SEZ6L: variants seen among roughly 807,000 people sequenced by gnomAD.
SEZ6L encodes the protein seizure 6-like protein.
In SEZ6L, 37 loss-of-function variants were observed where a neutral mutation model predicts 106.2. The observed-to-expected ratio is 0.35, with a 90% CI of 0.27 to 0.46. SEZ6L has a LOEUF of 0.46. Among genes scored for constraint, SEZ6L ranks in the 20% least tolerant of loss-of-function variants. SEZ6L has a pLI of 1.00. For synonymous variants in SEZ6L, 541 were observed against 570.4 expected, an observed-to-expected ratio of 0.95 and a Z score of 0.73; for missense variants, 1,172 against 1,332.8, an observed-to-expected ratio of 0.88 and a Z score of 1.88.
intron 10 of SEZ6L, among the ~76,000 whole-genome samples, chr22:26,346,026 T>G (rs1044833013): frequency 2.3e-5 from 2 of 87,490 alleles, no homozygotes; most frequent in African/African-American, 4.8e-5. Flanking sequence ...GTTCAAATTG[T>G]TTTTTTTTTC....
intron 11 of SEZ6L, among the ~76,000 whole-genome samples, chr22:26,348,691 A>G (rs866305504): frequency 1.8e-4 from 16 of 87,120 alleles, no homozygotes; most frequent in South Asian, 1.1e-3. Flanking sequence ...AGAAAGAAAG[A>G]AAGAAAGAAA....
chr22:26,190,678 G>A (rs1194805333), intron 1 of SEZ6L, among the ~76,000 whole-genome samples: 1 of 152,204 alleles, frequency 6.6e-6, no homozygotes, highest in Non-Finnish European at 1.5e-5. Context: ...GTAGGACCCT[G>A]ATTGGCCAGC....
At chr22:26,187,672 A>G (rs1939873432) in intron 1 of SEZ6L, among the ~76,000 whole-genome samples, 2 of 152,198 alleles carry the variant, frequency 1.3e-5, no homozygotes, top group Non-Finnish European at 2.9e-5. Flanking sequence ...GGAAAAGAAT[A>G]TAAATTTGGG....
At chr22:26,249,827 G>A (rs1207407) in intron 1 of SEZ6L, among the ~76,000 whole-genome samples, 26,590 of 151,930 alleles carry the variant, frequency 0.18, 3,076 homozygotes, top group Non-Finnish European at 0.26. Flanking sequence ...ATGCATCCTC[G>A]CCAGCATGTT....
chr22:26,267,160 G>A (rs1166294577), intron 1 of SEZ6L, among the ~76,000 whole-genome samples: 1 of 152,162 alleles, frequency 6.6e-6, no homozygotes, highest in African/African-American at 2.4e-5. Flanking sequence ...ATATGAGGTG[G>A]TGCTCTCATA....
chr22:26,174,318 A>C (rs756718021), intron 1 of SEZ6L, among the ~76,000 whole-genome samples: 1 of 152,180 alleles, frequency 6.6e-6, no homozygotes, highest in Non-Finnish European at 1.5e-5. Flanking sequence ...AAAATCCTGA[A>C]GGCTTCACTC....
At chr22:26,266,794 G>A (rs949117716) in intron 1 of SEZ6L, among the ~76,000 whole-genome samples, 1 of 151,824 alleles carries the variant, frequency 6.6e-6, no homozygotes, top group Non-Finnish European at 1.5e-5. Flanking sequence ...TACCTATAAA[G>A]TGGCAAGCAG....
intron 9 of SEZ6L, among the ~76,000 whole-genome samples, chr22:26,336,799 T>C (rs188435681): frequency 6.6e-6 from 1 of 152,228 alleles, no homozygotes; most frequent in Admixed American, 6.5e-5. Flanking sequence ...CCCACCTAGT[T>C]AGGAAAAATA....
chr22:26,226,949 CTTG>C (rs1002368219), intron 1 of SEZ6L, among the ~76,000 whole-genome samples: 3 of 152,184 alleles, frequency 2.0e-5, no homozygotes, highest in African/African-American at 7.2e-5. Context: ...AGCTGGGGTC[CTTG>C]TTGTCACTGT....
At position 26,380,346 on chromosome 22, in the gene SEZ6L, G is replaced by A. The variant is rs142360994; in HGVS notation, c.*51G>A. 2.0e-6 allele frequency: 3 copies of A among 1,497,566 alleles called. No individual in the cohort carries two copies. Among genetic ancestry groups the A allele is most frequent in the Admixed American group, 1.7e-5 (1 of 59,794 alleles). 92.8% of individuals were successfully genotyped at this position (1,497,566 alleles called of 1,614,324 possible). A position where few individuals can be genotyped will look rare whatever the true frequency, so the allele number is the denominator to read the frequency against. On this transcript the variant is annotated 3_prime_UTR_variant, in exon 17 of 17. Transcript: ENST00000248933. The stretch of plus-strand genomic sequence containing the variant: ...TTGTGAACTCAACCACAATCTCCTC[G>A]AGACATTCATCCAGAGACCATGTGG...
chr22:26,245,588 C>T (rs942567893), intron 1 of SEZ6L, among the ~76,000 whole-genome samples: 7 of 152,170 alleles, frequency 4.6e-5, no homozygotes, highest in African/African-American at 1.7e-4. Context: ...TGCCAAGCTT[C>T]GTACACAATG....
chr22:26,178,580 A>G (rs1227974000), intron 1 of SEZ6L, among the ~76,000 whole-genome samples: 4 of 152,202 alleles, frequency 2.6e-5, no homozygotes, highest in Non-Finnish European at 5.9e-5. Context: ...GGAGCTCAGG[A>G]CAAGTCTTAG....
chr22:26,339,775 T>A (rs1318946595), intron 9 of SEZ6L, among the ~76,000 whole-genome samples: 1 of 152,224 alleles, frequency 6.6e-6, no homozygotes, highest in Non-Finnish European at 1.5e-5. Flanking sequence ...GAATGAAAGA[T>A]GCAGGTCATA....
chr22:26,236,450 A>G (rs1333335961), intron 1 of SEZ6L, among the ~76,000 whole-genome samples: 1 of 152,068 alleles, frequency 6.6e-6, no homozygotes, highest in Non-Finnish European at 1.5e-5. Context: ...TTATTTATGC[A>G]TTTGGTCGAT....
At chr22:26,241,481 C>G (rs554012195) in intron 1 of SEZ6L, 3 of 152,178 alleles carry the variant, frequency 2.0e-5, no homozygotes, top group African/African-American at 7.2e-5. Flanking sequence ...TCTTGGAAAG[C>G]GAGTCTCAGA....
Position 26,188,455 on chromosome 22 carries a change from C to T in SEZ6L, c.94+18692C>T, listed in dbSNP as rs1939950155. On this transcript the variant is annotated intron_variant, in intron 1 of 16. Coordinates refer to ENST00000248933, the MANE Select transcript of SEZ6L (RefSeq NM_021115.5). Reference sequence around the variant, plus strand: ...TCACCCGAGCATGTAAGTTTTCCCTCATGTGACTTGGCCTTCTCCCACCAT... The same window carrying T: ...TCACCCGAGCATGTAAGTTTTCCCTTATGTGACTTGGCCTTCTCCCACCAT... Among the ~76,000 whole-genome samples, 5 of 152,180 alleles carry T rather than the reference C, an allele frequency of 3.3e-5. No homozygotes were observed. In the South Asian group the frequency reaches 1.0e-3, roughly 32 times the overall value.
chr22:26,299,275 G>C, intron 5 of SEZ6L, 106 bp downstream of exon 5: 1 of 882,372 alleles, frequency 1.1e-6, no homozygotes, highest in Non-Finnish European at 1.5e-6. Flanking sequence ...TTCAGCCCAG[G>C]GGAAGAAACT....
At chr22:26,228,671 G>A (rs2078706939) in intron 1 of SEZ6L, among the ~76,000 whole-genome samples, 1 of 152,092 alleles carries the variant, frequency 6.6e-6, no homozygotes, top group Non-Finnish European at 1.5e-5. Context: ...CACTTACTGG[G>A]GGCTTGCTTA....
rs564253749 is a variant in SEZ6L at position 26,293,279 on chromosome 22, T to C, written c.835+133T>C. On this transcript the variant is annotated intron_variant, in intron 2 of 16. Transcript: ENST00000248933. ...GTTACCGTCCATTGAGCACTGACTATGAGCTTCGCCCTGTGGCTCAGAATT... is the reference window on the plus strand; with the variant it reads ...GTTACCGTCCATTGAGCACTGACTACGAGCTTCGCCCTGTGGCTCAGAATT... The C allele has an allele frequency of 3.1e-6, 4 of 1,288,056 alleles. No individual in the cohort carries two copies. In the African/African-American group the frequency reaches 6.0e-5, roughly 19 times the overall value. 79.8% of individuals were successfully genotyped at this position (1,288,056 alleles called of 1,614,324 possible).
Sources: gnomAD v4.1 joint callset for allele counts (sites outside exome capture counted in the v4.1 genomes callset) on GRCh38, gnomAD v4.1.1 for gene constraint, MANE v1.5 for transcripts, NCBI Gene and HGNC (gene_info 2026-07-23, HGNC 2026-07-21) for gene names.